Variants in MTA3 observed in about 807,000 individuals in gnomAD.
MTA3 encodes metastasis associated 1 family member 3, also known as metastasis-associated protein MTA3.
In MTA3, 34 loss-of-function variants were observed where a neutral mutation model predicts 83.5. That is an observed-to-expected ratio of 0.41 (90% confidence interval 0.31 to 0.54). MTA3 has a LOEUF of 0.54. Ranked by LOEUF, MTA3 falls within the 20% of genes least tolerant of loss-of-function variation. The pLI, the probability that MTA3 is intolerant of heterozygous loss-of-function variation, is 0.33. For missense variants in MTA3, 761 were observed against 726.4 expected (o/e 1.05, Z -0.55); for synonymous variants, 303 against 252.7 (o/e 1.20, Z -1.89).
chr2:42,712,405 C>T (rs1666699409), intron 14 of MTA3, among the ~76,000 whole-genome samples: 1 of 152,026 alleles, frequency 6.6e-6, no homozygotes. Context: ...CCAAGTGATC[C>T]TCTTGGCTTC....
intron 9 of MTA3, among the ~76,000 whole-genome samples, chr2:42,693,962 T>C (rs1315439254): frequency 6.6e-6 from 1 of 152,182 alleles, no homozygotes; most frequent in Non-Finnish European, 1.5e-5. Context: ...ATGGGCTCTT[T>C]AGTCAGCAGC....
intron 2 of MTA3, among the ~76,000 whole-genome samples, chr2:42,556,138 C>G (rs1234798975): frequency 1.3e-5 from 2 of 151,924 alleles, no homozygotes; most frequent in Admixed American, 6.6e-5. Context: ...GATGGAGCTC[C>G]CTGGGGAAAA....
chr2:42,563,817 TTCCTTCCTTCCTTC>T (rs1677777623), upstream of MTA3, among the ~76,000 whole-genome samples: 2 of 149,048 alleles, frequency 1.3e-5, no homozygotes, highest in African/African-American at 5.0e-5. Flanking sequence ...CCTTCCTTCC[TTCCTTCCTTCCTTC>T]CTTTCTTTTT....
intron 2 of MTA3, among the ~76,000 whole-genome samples, chr2:42,524,827 CAAA>C (rs59653736): frequency 2.4e-5 from 3 of 126,438 alleles, no homozygotes; most frequent in Admixed American, 7.7e-5. Flanking sequence ...ATCTAGCATC[CAAA>C]AAAAAAAAAA....
At chr2:42,570,157 T>G (rs1678306903) in intron 1 of MTA3, among the ~76,000 whole-genome samples, 1 of 152,174 alleles carries the variant, frequency 6.6e-6, no homozygotes. Context: ...TGATAAGAGG[T>G]GTCTTTTTTG....
chr2:42,713,390 A>G (rs530621104), intron 14 of MTA3, among the ~76,000 whole-genome samples: 3 of 152,318 alleles, frequency 2.0e-5, no homozygotes, highest in East Asian at 3.9e-4. Flanking sequence ...TTAAGCTTGA[A>G]TCATGAGAGA....
chr2:42,661,957 A>G (rs1433157209), intron 8 of MTA3, among the ~76,000 whole-genome samples: 1 of 152,144 alleles, frequency 6.6e-6, no homozygotes, highest in Non-Finnish European at 1.5e-5. Context: ...CAGCCACTGT[A>G]ACAGATCTGC....
intron 9 of MTA3, among the ~76,000 whole-genome samples, chr2:42,688,840 A>G (rs1279160665): frequency 1.3e-5 from 2 of 152,014 alleles, no homozygotes; most frequent in African/African-American, 4.8e-5. Flanking sequence ...GCCTTATTGC[A>G]CTGGCTAGTA....
At chr2:42,548,445 A>C (rs1676861732) in intron 2 of MTA3, among the ~76,000 whole-genome samples, 1 of 151,962 alleles carries the variant, frequency 6.6e-6, no homozygotes, top group African/African-American at 2.4e-5. Flanking sequence ...CAGCCTGGGC[A>C]GCAAAGCAAG....
At chr2:42,534,590 T>C (rs1676132906) in intron 2 of MTA3, among the ~76,000 whole-genome samples, 2 of 137,992 alleles carry the variant, frequency 1.4e-5, no homozygotes, top group African/African-American at 2.7e-5. Flanking sequence ...AGTGAAACTC[T>C]AAAAAAAAGA....
intron 6 of MTA3, among the ~76,000 whole-genome samples, chr2:42,650,910 A>G (rs977450899): frequency 3.9e-5 from 6 of 152,210 alleles, no homozygotes; most frequent in African/African-American, 1.4e-4. Flanking sequence ...TCACCTAATG[A>G]CAGCAATACA....
intron 16 of MTA3, chr2:42,752,277 CCCTT>C (rs780010660): frequency 2.1e-6 from 1 of 471,314 alleles, no homozygotes; most frequent in Non-Finnish European, 4.4e-6. Context: ...CATCCTGCAG[CCCTT>C]CCTTGGCATG....
In MTA3 at chr2:42,709,099, A is replaced by G. The variant is rs375640416; in HGVS notation, c.1525+3A>G. ...TTATGCTGCCATTAGGGCAGAATGT[A>G]AGATGCTTTTAAATTCTTAACCTTA... is the stretch of plus-strand genomic sequence containing the variant. On this transcript the variant is annotated splice_donor_region_variant and intron_variant, in intron 14 of 16. Transcript: ENST00000405094. The G allele has an allele frequency of 5.7e-6, 9 of 1,585,650 alleles. No homozygotes were observed. The highest frequency in any genetic ancestry group is 7.7e-6 in the Non-Finnish European group (9 of 1,165,450).
chr2:42,504,040 C>A (rs1329638920), intron 2 of MTA3, among the ~76,000 whole-genome samples: 1 of 151,476 alleles, frequency 6.6e-6, no homozygotes, highest in Non-Finnish European at 1.5e-5. Flanking sequence ...TCTCCTGCCT[C>A]AGCCTTCTGA....
At chr2:42,618,384 C>G (rs887788070) in intron 4 of MTA3, among the ~76,000 whole-genome samples, 1 of 152,168 alleles carries the variant, frequency 6.6e-6, no homozygotes, top group Non-Finnish European at 1.5e-5. Flanking sequence ...AGAATTCTGT[C>G]AATTTCCTCC....
chr2:42,498,517 T>TGA (rs1211852305), intron 2 of MTA3, among the ~76,000 whole-genome samples: 3 of 152,212 alleles, frequency 2.0e-5, no homozygotes, highest in Non-Finnish European at 4.4e-5. Flanking sequence ...GTCAGCAGGC[T>TGA]TGGGGGAAAA....
At chr2:42,523,705 G>C (rs1337426362) in intron 2 of MTA3, among the ~76,000 whole-genome samples, 1 of 152,086 alleles carries the variant, frequency 6.6e-6, no homozygotes, top group Non-Finnish European at 1.5e-5. Flanking sequence ...TTGAGCCCAG[G>C]AGTTTCAGAC....
intron 3 of MTA3, among the ~76,000 whole-genome samples, chr2:42,589,438 C>T (rs1337585752): frequency 6.6e-6 from 1 of 152,190 alleles, no homozygotes; most frequent in Non-Finnish European, 1.5e-5. Context: ...AGCCAGTCTT[C>T]CCTGACAAAC....
At chr2:42,652,577 C>T (rs1688815284) in intron 6 of MTA3, among the ~76,000 whole-genome samples, 1 of 152,118 alleles carries the variant, frequency 6.6e-6, no homozygotes, top group South Asian at 2.1e-4. Context: ...AACTCCTGGC[C>T]TCAAATGATC....
Sources: gnomAD v4.1 joint callset for allele counts (sites outside exome capture counted in the v4.1 genomes callset) on GRCh38, gnomAD v4.1.1 for gene constraint, MANE v1.5 for transcripts, NCBI Gene and HGNC (gene_info 2026-07-23, HGNC 2026-07-21) for gene names.